Variants in COL16A1 observed in about 807,000 individuals in gnomAD.
The protein encoded by COL16A1 is collagen alpha-1(XVI) chain.
In COL16A1, 189 loss-of-function variants were observed where a neutral mutation model predicts 266.3. That is an observed-to-expected ratio of 0.71 (90% CI 0.63 to 0.80). The LOEUF is 0.80. COL16A1 is among the 30% of genes least tolerant of loss of function. The pLI is 0.00. For synonymous variants in COL16A1, 740 were observed against 782.3 expected (o/e 0.95, Z 0.90); for missense variants, 1,928 against 2,122.4 (o/e 0.91, Z 1.80).
At chr1:31,661,795 C>A in intron 58 of COL16A1, 91 bp from the exon 59 acceptor site, 1 of 1,365,172 alleles carries the variant, frequency 7.3e-7, no homozygotes, top group East Asian at 2.4e-5. Context: ...CCAGCCCTCC[C>A]CAGCTATCCT....
In COL16A1 at chr1:31,665,871, T is replaced by C; in HGVS notation, c.3456+11A>G. 4 of 1,614,106 alleles carry C rather than the reference T, an allele frequency of 2.5e-6. No individual in the cohort carries two copies. The highest frequency in any genetic ancestry group is 3.4e-6 in the Non-Finnish European group (4 of 1,179,982). ...CTGCCTCCCTGCAGCCAGGTCCCAGTCGTCACTCACCTGGTCGCCCTTCTC... is the reference window on the plus strand; with the variant it reads ...CTGCCTCCCTGCAGCCAGGTCCCAGCCGTCACTCACCTGGTCGCCCTTCTC... On this transcript the variant is annotated intron_variant, in intron 54 of 70. Transcript: ENST00000373672.
At chr1:31,702,444 C>T (rs554423621) in intron 1 of COL16A1, among the ~76,000 whole-genome samples, 3 of 152,298 alleles carry the variant, frequency 2.0e-5, no homozygotes, top group South Asian at 2.1e-4. Context: ...CGGTATGGCA[C>T]GGATACCAGC....
chr1:31,666,372 C>T (rs1642145379), intron 52 of COL16A1: 2 of 429,444 alleles, frequency 4.7e-6, no homozygotes, highest in Non-Finnish European at 8.3e-6. Flanking sequence ...GCTCAAACAC[C>T]TTATGCGGCT....
rs551503314 is a variant in COL16A1 at position 31,692,480 on chromosome 1, G to T, written c.1188C>A (p.Gly396=). ...CCAAATCCAGGCTTGTTACCTTCTC[G>T]CCTGTTGAGCCTGGGAGTCCTGAGG... The part of the protein sequence containing the change: ...LGPSGLPGST[G]EKGQKGEKGD... The change falls in exon 16 of 71, where the codon GGC becomes GGA. Residue 396 remains glycine (G), a synonymous_variant. Transcript: ENST00000373672. The T allele has an allele frequency of 6.2e-7, 1 of 1,613,044 alleles. No homozygotes were observed. Among genetic ancestry groups the T allele is most frequent in the African/African-American group, 1.3e-5 (1 of 74,860 alleles).
At position 31,663,209 on chromosome 1, in the gene COL16A1, G is replaced by A. The variant is rs1641842952; in HGVS notation, c.3556-551C>T. The A allele has an allele frequency of 6.2e-6, 1 of 160,050 alleles. No homozygotes were observed. Among genetic ancestry groups the A allele is most frequent in the African/African-American group, 2.4e-5 (1 of 41,518 alleles). 9.9% of individuals were successfully genotyped at this position (160,050 alleles called of 1,614,324 possible). ...AGGGTCATGGGCCCAACACAACCAG[G>A]GGCAATACAACAGTCTAAGTGTTCT... On this transcript the variant is annotated intron_variant, in intron 56 of 70. Transcript: ENST00000373672. The surrounding 1 kb of genome is among the most constrained non-coding windows in gnomAD (Gnocchi z 4.9).
At chr1:31,661,972 G>A (rs548329486) in intron 58 of COL16A1, among the ~76,000 whole-genome samples, 57 of 152,140 alleles carry the variant, frequency 3.7e-4, no homozygotes, top group Non-Finnish European at 6.8e-4. Flanking sequence ...AGATTCCCCA[G>A]CAAAACCCCA....
Sources: gnomAD v4.1 joint callset for allele counts (sites outside exome capture counted in the v4.1 genomes callset) on GRCh38, gnomAD v4.1.1 for gene constraint, Gnocchi (gnomAD v3.1) non-coding constraint, MANE v1.5 for transcripts, NCBI Gene and HGNC (gene_info 2026-07-23, HGNC 2026-07-21) for gene names.